Variants in DCK observed in about 807,000 individuals in gnomAD.
DCK encodes deoxyadenosine kinase.
DCK carries 23 observed loss-of-function variants against 38.3 expected under a neutral mutation model. The observed-to-expected ratio is 0.60, with a 90% CI of 0.43 to 0.85. DCK has a LOEUF of 0.85. Ranked by LOEUF, DCK falls within the 40% of genes least tolerant of loss-of-function variation. The pLI is 0.00. For synonymous variants in DCK, 108 were observed against 100.6 expected, an observed-to-expected ratio of 1.07 and a Z score of -0.44; for missense variants, 259 against 304.4, an observed-to-expected ratio of 0.85 and a Z score of 1.11.
chr4:71,026,587 A>T, intron 5 of DCK, 78 bp from the exon 6 acceptor site: 1 of 763,946 alleles, frequency 1.3e-6, no homozygotes, highest in South Asian at 1.6e-5. Flanking sequence ...TTCCAAGGAC[A>T]TACGAATGAA....
rs373045247 is a variant in DCK at position 71,014,361 on chromosome 4, G to A, written c.208-8006G>A. Among the ~76,000 whole-genome samples the A allele has an allele frequency of 3.3e-5, 5 of 152,002 alleles. 1 individual carries two copies. The highest frequency in any genetic ancestry group is 2.1e-4 in the South Asian group (1 of 4,808). ...CACTGTCGACATTAGACAGATGAACGAGACAGAAAGTTAACAAGGATATCC... is the reference window on the plus strand; with the variant it reads ...CACTGTCGACATTAGACAGATGAACAAGACAGAAAGTTAACAAGGATATCC... On this transcript the variant is annotated intron_variant, in intron 2 of 6. Transcript: ENST00000286648.
chr4:71,024,443 T>G (rs540221805), intron 4 of DCK, among the ~76,000 whole-genome samples: 4 of 152,266 alleles, frequency 2.6e-5, no homozygotes, highest in African/African-American at 7.2e-5. Context: ...TTTCTGGTTT[T>G]GGTGCGTGCA....
intron 2 of DCK, among the ~76,000 whole-genome samples, chr4:71,008,691 C>A (rs1221630942): frequency 6.6e-6 from 1 of 152,168 alleles, no homozygotes; most frequent in Non-Finnish European, 1.5e-5. Flanking sequence ...GACTAGGTGA[C>A]CTCCATTTAA....
At position 70,993,845 on chromosome 4, in the gene DCK, C is replaced by A; in HGVS notation, c.10C>A (p.Pro4Thr). ...GCCACAAGACTAAGGAATGGCCACC[C>A]CGCCCAAGAGAAGCTGCCCGTCTTT... MATPPKRSCPSFSA... is the reference protein window; with the variant it reads MATTPKRSCPSFSA... Residue 4 changes from proline to threonine, a missense_variant, in exon 1 of 7, where the codon CCG becomes ACG. Physicochemically the swap from Pro to Thr is conservative, Grantham distance 38. Transcript: ENST00000286648. 1 of 1,613,478 alleles carries A rather than the reference C, an allele frequency of 6.2e-7. No homozygotes were observed. The highest frequency in any genetic ancestry group is 8.5e-7 in the Non-Finnish European group (1 of 1,179,586).
intron 2 of DCK, among the ~76,000 whole-genome samples, chr4:71,015,885 C>A (rs760698514): frequency 8.5e-5 from 13 of 152,152 alleles, no homozygotes; most frequent in African/African-American, 2.2e-4. Flanking sequence ...GACACGGATG[C>A]CCTCTCTCAC....
Position 71,021,124 on chromosome 4 carries a change from G to C in DCK, c.208-1243G>C, listed in dbSNP as rs547912237. Among the ~76,000 whole-genome samples, 16 of 148,586 alleles carry C rather than the reference G, an allele frequency of 1.1e-4. 1 individual carries two copies. In the East Asian group the frequency reaches 3.2e-3, roughly 29 times the overall value. On this transcript the variant is annotated intron_variant, in intron 2 of 6. Transcript: ENST00000286648. ...CGCTCTGTCGCCCAGGCTGGACTGC[G>C]GACTGCAGTGGCGCAATCTCGGCTC...
chr4:71,004,828 C>T (rs1489462309), intron 2 of DCK, among the ~76,000 whole-genome samples: 1 of 152,180 alleles, frequency 6.6e-6, no homozygotes, highest in African/African-American at 2.4e-5. Flanking sequence ...TTCAGTGTCT[C>T]AGGTTGACTT....
At chr4:71,016,336 A>T (rs1458909484) in intron 2 of DCK, among the ~76,000 whole-genome samples, 1 of 152,234 alleles carries the variant, frequency 6.6e-6, no homozygotes, top group Admixed American at 6.5e-5. Context: ...AAGAATCAAT[A>T]TCGTGAAAAT....
chr4:70,995,005 A>C (rs1051967295), intron 1 of DCK, among the ~76,000 whole-genome samples: 2 of 152,142 alleles, frequency 1.3e-5, no homozygotes, highest in African/African-American at 4.8e-5. Flanking sequence ...CATACAGCAA[A>C]TTTTTTAAAA....
At chr4:71,021,180 AT>A (rs1207911126) in intron 2 of DCK, among the ~76,000 whole-genome samples, 1 of 144,958 alleles carries the variant, frequency 6.9e-6, no homozygotes, top group East Asian at 2.1e-4. Flanking sequence ...GGTTCACGCC[AT>A]TCTCCTGCCT....
chr4:71,008,222 T>C (rs933286636), intron 2 of DCK, among the ~76,000 whole-genome samples: 9 of 152,252 alleles, frequency 5.9e-5, no homozygotes, highest in African/African-American at 2.2e-4. Context: ...TTTTCCAAAC[T>C]GGCTTTCCAA....
At chr4:70,994,439 G>T (rs2148910770) in intron 1 of DCK, among the ~76,000 whole-genome samples, 1 of 152,286 alleles carries the variant, frequency 6.6e-6, no homozygotes, top group African/African-American at 2.4e-5. Flanking sequence ...ATCCCTGCAA[G>T]TGTTGCCTTT....
chr4:71,014,398 TC>T (rs1411576265), intron 2 of DCK, among the ~76,000 whole-genome samples: 1 of 152,228 alleles, frequency 6.6e-6, no homozygotes, highest in African/African-American at 2.4e-5. Flanking sequence ...GGAATTGAGC[TC>T]AGCTCTGTAC....
At chr4:71,001,915 G>A (rs1279433203) in intron 2 of DCK, among the ~76,000 whole-genome samples, 1 of 152,064 alleles carries the variant, frequency 6.6e-6, no homozygotes, top group Non-Finnish European at 1.5e-5. Context: ...TCTTTTCGAA[G>A]AACCAGCTTC....
chr4:71,001,996 T>C (rs1739814548), intron 2 of DCK, among the ~76,000 whole-genome samples: 1 of 152,196 alleles, frequency 6.6e-6, no homozygotes, highest in Admixed American at 6.5e-5. Context: ...TCTTAGTTAT[T>C]TCTTGTGTTC....
Position 70,993,926 on chromosome 4 carries a change from G to A in DCK, c.91G>A (p.Ala31Thr), listed in dbSNP as rs538122704. 6.2e-7 allele frequency: 1 copy of A among 1,609,602 alleles called. No individual in the cohort carries two copies. The highest frequency in any genetic ancestry group is 1.1e-5 in the South Asian group (1 of 90,902). The part of the protein sequence containing the change: ...IKKISIEGNI[A>T]AGKSTFVNIL... ...GAAAATCTCCATCGAAGGGAACATC[G>A]GTAAGGAGCCTCCGGAAATGTGGGA... is the stretch of plus-strand genomic sequence containing the variant. The change falls in exon 1 of 7, where the codon GCT (alanine) becomes ACT (threonine). Residue 31 changes from alanine to threonine, a missense_variant and splice_region_variant. Transcript: ENST00000286648.
intron 6 of DCK, among the ~76,000 whole-genome samples, chr4:71,029,080 TG>T (rs980676434): frequency 6.6e-6 from 1 of 151,820 alleles, no homozygotes; most frequent in African/African-American, 2.4e-5. Context: ...TTAGTAGAGA[TG>T]GGGGGTTTCA....
rs1274028946 is a variant in DCK at position 70,993,657 on chromosome 4, C to T, written c.-179C>T. On this transcript the variant is annotated 5_prime_UTR_variant, in exon 1 of 7. Coordinates refer to ENST00000286648, the MANE Select transcript of DCK (RefSeq NM_000788.3). The stretch of plus-strand genomic sequence containing the variant: ...CGCCCCGCAGGCCCGCCAGTGTCCT[C>T]AGCTGCCTCCGCGCGCCAAAGTCAA... 2 of 556,886 alleles carry T rather than the reference C, an allele frequency of 3.6e-6. No homozygotes were observed. The highest frequency in any genetic ancestry group is 3.2e-5 in the East Asian group (1 of 31,180). The allele number at this position is 556,886 out of a possible 1,614,324, so 34.5% of individuals were successfully genotyped here. A position where few individuals can be genotyped will look rare whatever the true frequency, so the allele number is the denominator to read the frequency against.
At chr4:71,026,010 T>C (rs1470894019) in intron 5 of DCK, 79 bp downstream of exon 5, 2 of 1,425,922 alleles carry the variant, frequency 1.4e-6, no homozygotes, top group East Asian at 5.1e-5. Flanking sequence ...ATTTGGAAGA[T>C]ATGACTAGCA....
Sources: gnomAD v4.1 joint callset for allele counts (sites outside exome capture counted in the v4.1 genomes callset) on GRCh38, gnomAD v4.1.1 for gene constraint, MANE v1.5 for transcripts, NCBI Gene and HGNC (gene_info 2026-07-23, HGNC 2026-07-21) for gene names.